SULT6B1: variants seen among roughly 807,000 people sequenced by gnomAD.
SULT6B1 encodes sulfotransferase 6B1.
A neutral mutation model predicts 37.2 loss-of-function variants in SULT6B1; 44 were observed. The ratio of observed to expected loss-of-function variants is 1.18; its 90% CI spans 0.93 to 1.52. The LOEUF (loss-of-function observed/expected upper bound fraction) is 1.52. SULT6B1 is among the 40% of genes most tolerant of loss of function. The pLI is 0.00. For synonymous variants in SULT6B1, 140 were observed against 126.0 expected, an observed-to-expected ratio of 1.11 and a Z score of -0.74; for missense variants, 450 against 361.0, an observed-to-expected ratio of 1.25 and a Z score of -2.00.
At chr2:37,170,884 A>G (rs969643512) in intron 6 of SULT6B1, among the ~76,000 whole-genome samples, 11 of 152,222 alleles carry the variant, frequency 7.2e-5, no homozygotes, top group Middle Eastern at 6.8e-3. Context: ...TTCAGCTGCT[A>G]TCTTGTTTTC....
chr2:37,176,831 G>T (rs1006039284), intron 4 of SULT6B1, among the ~76,000 whole-genome samples: 7 of 152,164 alleles, frequency 4.6e-5, no homozygotes, highest in Admixed American at 4.6e-4. Context: ...TGCCCAGTGA[G>T]ACACAAACAA....
chr2:37,186,958 C>A (rs1443954713), intron 2 of SULT6B1, among the ~76,000 whole-genome samples: 1 of 152,184 alleles, frequency 6.6e-6, no homozygotes, highest in African/African-American at 2.4e-5. Flanking sequence ...TGCACAGGTC[C>A]ATGTCTTCAG....
At chr2:37,195,227 G>A (rs1166914214) in intron 1 of SULT6B1, among the ~76,000 whole-genome samples, 2 of 152,252 alleles carry the variant, frequency 1.3e-5, no homozygotes, top group East Asian at 1.9e-4. Flanking sequence ...TGGGATTACA[G>A]GTGTGAGCCA....
Position 37,172,823 on chromosome 2 carries a change from C to T in SULT6B1, c.625-1233G>A, listed in dbSNP as rs10654283. 2.7e-5 allele frequency among the ~76,000 whole-genome samples: 4 copies of T among 149,210 alleles called. 1 individual carries two copies. Among genetic ancestry groups the T allele is most frequent in the Admixed American group, 2.7e-4 (4 of 15,034 alleles). On this transcript the variant is annotated intron_variant, in intron 5 of 6. Coordinates refer to ENST00000535679, the MANE Select transcript of SULT6B1 (RefSeq NM_001367551.1). ...GTGCCTGGCCTAAACCATACATTTG[C>T]TTGTTTGTTTGTTTGTTTGTTTTTG... is the stretch of plus-strand genomic sequence containing the variant.
chr2:37,185,186 A>G (rs72874075), intron 2 of SULT6B1, among the ~76,000 whole-genome samples: 1,816 of 152,330 alleles, frequency 0.012, 34 homozygotes, highest in African/African-American at 0.04. Flanking sequence ...CACATGAGAA[A>G]TGGTAAGGTT....
At chr2:37,194,879 C>CCTT (rs1676866921) in intron 1 of SULT6B1, 1 of 39,918 alleles carries the variant, frequency 2.5e-5, no homozygotes, top group Non-Finnish European at 5.5e-5. Flanking sequence ...CTCCCTCCCT[C>CCTT]CCTTCCTTCC....
At chr2:37,170,758 A>AC (rs1223358679) in intron 6 of SULT6B1, among the ~76,000 whole-genome samples, 4 of 143,210 alleles carry the variant, frequency 2.8e-5, no homozygotes, top group African/African-American at 1.0e-4. Flanking sequence ...AAAAAAAAAA[A>AC]AACTCACTGA....
At chr2:37,170,754 A>AAC (rs1208857235) in intron 6 of SULT6B1, among the ~76,000 whole-genome samples, 10 of 151,108 alleles carry the variant, frequency 6.6e-5, no homozygotes, top group African/African-American at 2.4e-4. Flanking sequence ...AAAAAAAAAA[A>AAC]AAAAAACTCA....
At chr2:37,168,200 GTTT>G (rs1227637232) in intron 6 of SULT6B1, 135 bp from the exon 7 acceptor site, 1 of 865,036 alleles carries the variant, frequency 1.2e-6, no homozygotes, top group African/African-American at 1.8e-5. Flanking sequence ...TCTTTATTTA[GTTT>G]TTTTCAGACG....
chr2:37,192,020 G>A (rs971039217), upstream of SULT6B1, among the ~76,000 whole-genome samples: 1 of 152,198 alleles, frequency 6.6e-6, no homozygotes, highest in Non-Finnish European at 1.5e-5. Context: ...GGATCCCACC[G>A]CAAGCACTGG....
chr2:37,183,641 C>G (rs1676604963), intron 2 of SULT6B1, 127 bp from the exon 3 acceptor site: 1 of 657,944 alleles, frequency 1.5e-6, no homozygotes, highest in Admixed American at 2.8e-5. Context: ...TCTTCTCCTC[C>G]TCCTCCAATT....
chr2:37,181,407 G>T (rs1367025305), intron 3 of SULT6B1, among the ~76,000 whole-genome samples: 8 of 152,028 alleles, frequency 5.3e-5, no homozygotes, highest in African/African-American at 9.7e-5. Context: ...TTTCAGACCG[G>T]GTCTGACTCT....
At chr2:37,180,952 G>C (rs965816414) in intron 3 of SULT6B1, among the ~76,000 whole-genome samples, 1 of 152,076 alleles carries the variant, frequency 6.6e-6, no homozygotes, top group African/African-American at 2.4e-5. Flanking sequence ...CCTGCTGGGA[G>C]GTTTTTAATA....
chr2:37,175,956 C>A (rs76394126), intron 4 of SULT6B1, among the ~76,000 whole-genome samples: 3,626 of 152,250 alleles, frequency 0.024, 65 homozygotes, highest in Middle Eastern at 0.058. Flanking sequence ...TTGTATATCC[C>A]TTAAAAATTT....
At chr2:37,181,940 T>G (rs1334521466) in intron 3 of SULT6B1, among the ~76,000 whole-genome samples, 2 of 152,210 alleles carry the variant, frequency 1.3e-5, no homozygotes, top group African/African-American at 4.8e-5. Context: ...GAGATCTTTA[T>G]CATTGGAGGT....
At chr2:37,170,474 A>G (rs906619844) in intron 6 of SULT6B1, among the ~76,000 whole-genome samples, 15 of 149,384 alleles carry the variant, frequency 1.0e-4, no homozygotes, top group South Asian at 2.1e-4. Flanking sequence ...CTCAAAAAAA[A>G]TATATAAAAT....
intron 5 of SULT6B1, 87 bp from the exon 6 acceptor site, chr2:37,171,677 T>G (rs1676306800): frequency 1.6e-6 from 2 of 1,252,016 alleles, no homozygotes; most frequent in South Asian, 2.9e-5. Context: ...TCAGAGTTAT[T>G]CAGCCTAACT....
intron 3 of SULT6B1, among the ~76,000 whole-genome samples, chr2:37,181,716 A>C (rs1432562087): frequency 1.3e-5 from 2 of 152,036 alleles, no homozygotes; most frequent in Non-Finnish European, 2.9e-5. Flanking sequence ...TATTCTTACA[A>C]ATGTGAAACT....
chr2:37,180,777 G>T lies in SULT6B1; in HGVS notation c.403-1193C>A, dbSNP rs181980329. ...TGTGCACCTGTAGTCTCAGCTACTC[G>T]GGAGGCTGAGGCAGGAGAATTGGTT... is the stretch of plus-strand genomic sequence containing the variant. On this transcript the variant is annotated intron_variant, in intron 3 of 6. Transcript: ENST00000535679. Among the ~76,000 whole-genome samples the T allele has an allele frequency of 4.6e-3, 695 of 152,204 alleles. 5 individuals carry two copies. Among genetic ancestry groups the T allele is most frequent in the Non-Finnish European group, 7.9e-3 (539 of 68,020 alleles).
Sources: allele counts gnomAD v4.1 joint callset (sites outside exome capture counted in the v4.1 genomes callset), GRCh38; gene constraint gnomAD v4.1.1; transcripts MANE v1.5; gene names NCBI Gene and HGNC (gene_info 2026-07-23, HGNC 2026-07-21).